TSHZ2: variants seen among roughly 807,000 people sequenced by gnomAD.
TSHZ2 encodes the protein teashirt homolog 2.
Under a neutral mutation model 74.4 loss-of-function variants are expected in TSHZ2, and 21 were observed. That is an observed-to-expected ratio of 0.28 (90% CI 0.20 to 0.41). The LOEUF (loss-of-function observed/expected upper bound fraction) is 0.41, where lower values mean the gene tolerates loss of function less well. Among genes scored for constraint, TSHZ2 ranks in the 10% least tolerant of loss-of-function variants. TSHZ2 has a pLI of 1.00. For synonymous variants in TSHZ2, 540 were observed against 515.3 expected, an observed-to-expected ratio of 1.05 and a Z score of -0.65; for missense variants, 1,244 against 1,293.5, an observed-to-expected ratio of 0.96 and a Z score of 0.59.
At chr20:53,126,647 C>T (rs979621624) in intron 1 of TSHZ2, among the ~76,000 whole-genome samples, 4 of 152,144 alleles carry the variant, frequency 2.6e-5, no homozygotes, top group African/African-American at 9.7e-5. Context: ...AGGTATCATT[C>T]AGGAGCTGGC....
intron 2 of TSHZ2, among the ~76,000 whole-genome samples, chr20:53,474,476 C>G (rs1228041605): frequency 1.0e-5 from 1 of 99,818 alleles, no homozygotes; most frequent in Non-Finnish European, 1.9e-5. Context: ...TTGTCACCAC[C>G]AGGCCTGCCC....
At chr20:53,460,986 G>C (rs1343737239) in intron 2 of TSHZ2, among the ~76,000 whole-genome samples, 1 of 152,228 alleles carries the variant, frequency 6.6e-6, no homozygotes, top group Non-Finnish European at 1.5e-5. Context: ...GGTTACTGCT[G>C]TCTTTTTGTT....
intron 1 of TSHZ2, among the ~76,000 whole-genome samples, chr20:53,199,610 A>C (rs1349425133): frequency 6.6e-6 from 1 of 152,216 alleles, no homozygotes; most frequent in Non-Finnish European, 1.5e-5. Context: ...CAAGTCTCTG[A>C]CTTTCCTTAT....
chr20:53,381,657 G>A (rs1317830543), intron 2 of TSHZ2, among the ~76,000 whole-genome samples: 1 of 152,142 alleles, frequency 6.6e-6, no homozygotes, highest in Non-Finnish European at 1.5e-5. Flanking sequence ...GTAAATTCAG[G>A]GATTTCCCAC....
At chr20:53,341,677 A>G (rs936989767) in intron 2 of TSHZ2, among the ~76,000 whole-genome samples, 4 of 151,712 alleles carry the variant, frequency 2.6e-5, no homozygotes, top group African/African-American at 9.7e-5. Context: ...ACAGTTTTTT[A>G]TTTATGTATG....
chr20:53,452,603 A>G (rs1348751721), intron 2 of TSHZ2, among the ~76,000 whole-genome samples: 1 of 151,518 alleles, frequency 6.6e-6, no homozygotes, highest in Non-Finnish European at 1.5e-5. Flanking sequence ...TGTCTCAAAA[A>G]AAAAAAAAAA....
At chr20:53,423,903 G>A (rs1178953031) in intron 2 of TSHZ2, among the ~76,000 whole-genome samples, 1 of 152,180 alleles carries the variant, frequency 6.6e-6, no homozygotes, top group Non-Finnish European at 1.5e-5. Flanking sequence ...GTCACGCCCA[G>A]GGGGTGGTGC....
At chr20:53,171,610 T>A (rs1366225039) in intron 1 of TSHZ2, among the ~76,000 whole-genome samples, 1 of 152,096 alleles carries the variant, frequency 6.6e-6, no homozygotes, top group Non-Finnish European at 1.5e-5. Context: ...CCTTTAAAAT[T>A]TTTGTGAGGG....
rs114485910 is a variant in TSHZ2 at position 53,285,387 on chromosome 20, T to A, written c.*8+28816T>A. Among the ~76,000 whole-genome samples, 573 of 152,182 alleles carry A rather than the reference T, an allele frequency of 3.8e-3. 4 individuals carry two copies. Among genetic ancestry groups the A allele is most frequent in the African/African-American group, 0.013 (540 of 41,502 alleles). On this transcript the variant is annotated intron_variant, in intron 2 of 2. Transcript: ENST00000371497. ...ATTGAAAATTCAGAACTTTATGAAA[T>A]TTTTTTGCAGATGTTGGGTCAGTAC...
chr20:53,403,882 A>G (rs1982757701), intron 2 of TSHZ2, among the ~76,000 whole-genome samples: 1 of 152,198 alleles, frequency 6.6e-6, no homozygotes, highest in South Asian at 2.1e-4. Flanking sequence ...TGCATTCTTT[A>G]CACTTTTGAT....
intron 2 of TSHZ2, among the ~76,000 whole-genome samples, chr20:53,404,880 C>T (rs1982786731): frequency 6.6e-6 from 1 of 152,198 alleles, no homozygotes; most frequent in African/African-American, 2.4e-5. Flanking sequence ...GTTTAAAAGA[C>T]TTAAACAATT....
intron 2 of TSHZ2, among the ~76,000 whole-genome samples, chr20:53,424,108 G>A (rs1402295202): frequency 6.6e-6 from 1 of 152,234 alleles, no homozygotes; most frequent in African/African-American, 2.4e-5. Context: ...CTAACTGAGG[G>A]TTTCTCAGCA....
At chr20:53,369,144 A>G (rs939945449) in intron 2 of TSHZ2, among the ~76,000 whole-genome samples, 1 of 152,166 alleles carries the variant, frequency 6.6e-6, no homozygotes, top group Non-Finnish European at 1.5e-5. Context: ...GCACACCTGT[A>G]GTCCCAGCTA....
intron 1 of TSHZ2, among the ~76,000 whole-genome samples, chr20:53,096,568 G>GCAT (rs902130628): frequency 6.6e-5 from 10 of 151,930 alleles, no homozygotes; most frequent in African/African-American, 1.2e-4. Flanking sequence ...ATTATCATAA[G>GCAT]CATCATCATC....
intron 2 of TSHZ2, among the ~76,000 whole-genome samples, chr20:53,362,237 C>T (rs1225489680): frequency 1.0e-4 from 15 of 145,666 alleles, no homozygotes; most frequent in East Asian, 2.0e-4. Flanking sequence ...CAGGCCGGAG[C>T]GCAGTGGCAG....
chr20:53,135,053 CTTT>C (rs1301910519), intron 1 of TSHZ2, among the ~76,000 whole-genome samples: 3 of 150,696 alleles, frequency 2.0e-5, no homozygotes, highest in African/African-American at 7.4e-5. Context: ...GTGGCACTGC[CTTT>C]TTATTTTTTA....
intron 1 of TSHZ2, among the ~76,000 whole-genome samples, chr20:52,975,645 C>G (rs570749581): frequency 6.6e-5 from 10 of 152,016 alleles, no homozygotes; most frequent in South Asian, 2.1e-4. Context: ...AAGCGGAAAC[C>G]CTTTTTAAGC....
intron 1 of TSHZ2, among the ~76,000 whole-genome samples, chr20:52,982,722 C>A (rs754379398): frequency 2.6e-5 from 4 of 152,182 alleles, no homozygotes; most frequent in Non-Finnish European, 5.9e-5. Context: ...AATTGCATTT[C>A]ATAAGAATAA....
chr20:53,416,455 G>A (rs915958707), intron 2 of TSHZ2, among the ~76,000 whole-genome samples: 9 of 152,116 alleles, frequency 5.9e-5, no homozygotes, highest in African/African-American at 1.7e-4. Context: ...CTAGTTCTTC[G>A]CCCTTTCTAA....
Sources: gnomAD v4.1 joint callset for allele counts (sites outside exome capture counted in the v4.1 genomes callset) on GRCh38, gnomAD v4.1.1 for gene constraint, MANE v1.5 for transcripts, NCBI Gene and HGNC (gene_info 2026-07-23, HGNC 2026-07-21) for gene names.